Variants in PPP2R2B observed in about 807,000 individuals in gnomAD.
The protein encoded by PPP2R2B is protein phosphatase 2 regulatory subunit Bbeta.
In PPP2R2B, 5 loss-of-function variants were observed where a neutral mutation model predicts 46.0. That is an observed-to-expected ratio of 0.11 (90% confidence interval 0.06 to 0.23). The LOEUF (loss-of-function observed/expected upper bound fraction) is 0.23, where lower values mean the gene tolerates loss of function less well. PPP2R2B is among the 10% of genes least tolerant of loss of function. The pLI, the probability that PPP2R2B is intolerant of heterozygous loss-of-function variation, is 1.00. For synonymous variants in PPP2R2B, 215 were observed against 206.7 expected, an observed-to-expected ratio of 1.04 and a Z score of -0.34; for missense variants, 367 against 575.0, an observed-to-expected ratio of 0.64 and a Z score of 3.70.
rs376601564 is a variant in PPP2R2B at position 147,010,325 on chromosome 5, C to T, written c.79+45340G>A. On this transcript the variant is annotated intron_variant, in intron 1 of 8. Transcript: ENST00000336640. ...GGGCAGGGTGGAAGGGGGAATGGTTCGGGGATGGTTCAAGTGCATTACATT... is the reference window on the plus strand; with the variant it reads ...GGGCAGGGTGGAAGGGGGAATGGTTTGGGGATGGTTCAAGTGCATTACATT... Among the ~76,000 whole-genome samples, 39 of 152,126 alleles carry T rather than the reference C, an allele frequency of 2.6e-4. No individual in the cohort carries two copies. The South Asian group carries it at 5.6e-3, about 22-fold the overall frequency.
chr5:146,847,764 A>T (rs1464264338), intron 2 of PPP2R2B, among the ~76,000 whole-genome samples: 1 of 151,916 alleles, frequency 6.6e-6, no homozygotes, highest in East Asian at 1.9e-4. Flanking sequence ...CTTCAGGAAA[A>T]CTCCCTAAGG....
chr5:146,783,659 G>A (rs1436073486), intron 2 of PPP2R2B, among the ~76,000 whole-genome samples: 1 of 152,194 alleles, frequency 6.6e-6, no homozygotes, highest in Non-Finnish European at 1.5e-5. Context: ...ACTTCTTGGA[G>A]GTGGATGCTT....
intron 5 of PPP2R2B, among the ~76,000 whole-genome samples, chr5:146,672,237 T>G (rs889684344): frequency 8.5e-5 from 13 of 152,172 alleles, no homozygotes; most frequent in African/African-American, 3.1e-4. Flanking sequence ...ACATTCTTGT[T>G]TTCGAGTCCT....
chr5:146,736,464 C>A (rs1412313013), intron 2 of PPP2R2B, among the ~76,000 whole-genome samples: 1 of 151,980 alleles, frequency 6.6e-6, no homozygotes, highest in African/African-American at 2.4e-5. Context: ...AAACTGAGGC[C>A]CGGAGAGATA....
At chr5:146,652,599 G>T (rs1227234140) in intron 5 of PPP2R2B, among the ~76,000 whole-genome samples, 1 of 152,182 alleles carries the variant, frequency 6.6e-6, no homozygotes, top group African/African-American at 2.4e-5. Flanking sequence ...ACCAGGCCAG[G>T]AGGGGAGTGA....
At chr5:146,952,760 T>G (rs1207218860) in intron 1 of PPP2R2B, among the ~76,000 whole-genome samples, 1 of 152,130 alleles carries the variant, frequency 6.6e-6, no homozygotes, top group East Asian at 1.9e-4. Context: ...GGTCTGGTGA[T>G]AGATTATAGC....
At chr5:146,637,605 G>T (rs1210646370) in intron 7 of PPP2R2B, among the ~76,000 whole-genome samples, 4 of 151,934 alleles carry the variant, frequency 2.6e-5, no homozygotes, top group Non-Finnish European at 5.9e-5. Flanking sequence ...TACTCCTCTG[G>T]TTACTTTTGT....
At chr5:146,895,366 C>T (rs998029440) in intron 1 of PPP2R2B, among the ~76,000 whole-genome samples, 1 of 152,208 alleles carries the variant, frequency 6.6e-6, no homozygotes, top group Non-Finnish European at 1.5e-5. Flanking sequence ...TGTAGCTCTA[C>T]ATCTATGTCT....
At chr5:146,955,355 G>A (rs1011721043) in intron 1 of PPP2R2B, among the ~76,000 whole-genome samples, 1 of 152,140 alleles carries the variant, frequency 6.6e-6, no homozygotes, top group Non-Finnish European at 1.5e-5. Context: ...TGAGAATCTG[G>A]ATTTCTAACA....
At chr5:146,742,006 A>G (rs1413395682) in intron 2 of PPP2R2B, among the ~76,000 whole-genome samples, 1 of 152,176 alleles carries the variant, frequency 6.6e-6, no homozygotes, top group African/African-American at 2.4e-5. Context: ...CCATTAGACT[A>G]TCTTCTTGTA....
intron 1 of PPP2R2B, among the ~76,000 whole-genome samples, chr5:146,969,414 G>C (rs1246701618): frequency 6.6e-6 from 1 of 152,138 alleles, no homozygotes; most frequent in Non-Finnish European, 1.5e-5. Context: ...GGGGGGAGGA[G>C]AGTACAAAGC....
chr5:146,831,484 G>A (rs1423691578), intron 2 of PPP2R2B, among the ~76,000 whole-genome samples: 3 of 98,512 alleles, frequency 3.0e-5, no homozygotes, highest in African/African-American at 8.1e-5. Context: ...GGGATAGAAT[G>A]AGACTCCATC....
At chr5:146,898,938 C>G (rs1357329833) in intron 1 of PPP2R2B, among the ~76,000 whole-genome samples, 1 of 141,184 alleles carries the variant, frequency 7.1e-6, no homozygotes, top group Non-Finnish European at 1.5e-5. Flanking sequence ...CCATCTCACA[C>G]CAGTTAGAAT....
intron 2 of PPP2R2B, among the ~76,000 whole-genome samples, chr5:146,744,444 C>T (rs1211160623): frequency 1.3e-5 from 2 of 152,200 alleles, no homozygotes; most frequent in African/African-American, 4.8e-5. Flanking sequence ...AATTCATTCT[C>T]TTTCCTCCTC....
intron 1 of PPP2R2B, among the ~76,000 whole-genome samples, chr5:147,044,790 A>G (rs1386915881): frequency 6.6e-6 from 1 of 152,168 alleles, no homozygotes; most frequent in Non-Finnish European, 1.5e-5. Flanking sequence ...TATGCAGCAG[A>G]GCATATGCAC....
intron 5 of PPP2R2B, among the ~76,000 whole-genome samples, chr5:146,655,423 A>G (rs2151100096): frequency 6.6e-6 from 1 of 151,370 alleles, no homozygotes; most frequent in African/African-American, 2.5e-5. Context: ...GCCTTCCGTG[A>G]CCATCCCACC....
In PPP2R2B at chr5:146,878,534, T is replaced by C; in HGVS notation, c.-125+57A>G. On this transcript the variant is annotated intron_variant, in intron 1 of 9. Transcript: ENST00000394411. This position sits in a 1 kb window ranked among gnomAD's most constrained non-coding sequence, Gnocchi z 4.5. ...AGAGCGGGCAGCCGCGACAAAATGG[T>C]GCCTTTCTGGACCCGAGCTGCAGTG... 1 of 1,268,650 alleles carries C rather than the reference T, an allele frequency of 7.9e-7. No individual in the cohort carries two copies. The highest frequency in any genetic ancestry group is 1.0e-6 in the Non-Finnish European group (1 of 990,642). The allele number at this position is 1,268,650 out of a possible 1,614,324, so 78.6% of individuals were successfully genotyped here.
chr5:146,717,154 A>G (rs181770889), intron 2 of PPP2R2B, among the ~76,000 whole-genome samples: 13 of 152,366 alleles, frequency 8.5e-5, no homozygotes, highest in Admixed American at 2.0e-4. Flanking sequence ...GTTCATTGCT[A>G]TAGGCTTATA....
intron 2 of PPP2R2B, among the ~76,000 whole-genome samples, chr5:146,754,492 T>C (rs1753730776): frequency 6.6e-6 from 1 of 152,188 alleles, no homozygotes; most frequent in Non-Finnish European, 1.5e-5. Flanking sequence ...GTAGTGGTTT[T>C]AAAATACATA....
Sources: gnomAD v4.1 joint callset for allele counts (sites outside exome capture counted in the v4.1 genomes callset) on GRCh38, gnomAD v4.1.1 for gene constraint, Gnocchi (gnomAD v3.1) non-coding constraint, MANE v1.5 for transcripts, NCBI Gene and HGNC (gene_info 2026-07-23, HGNC 2026-07-21) for gene names.